The following WDFY2 variants were observed in gnomAD, a reference collection of about 807,000 sequenced individuals.
The protein encoded by WDFY2 is WD repeat and FYVE domain-containing protein 2.
WDFY2 carries 36 observed loss-of-function variants against 56.4 expected under a neutral mutation model. That is an observed-to-expected ratio of 0.64 (90% CI 0.49 to 0.84). WDFY2 has a LOEUF of 0.84. Ranked by LOEUF, WDFY2 falls within the 40% of genes least tolerant of loss-of-function variation. The probability of loss-of-function intolerance (pLI) is 0.00; values close to 1 mark genes in which losing one functional copy is unlikely to be tolerated. For missense variants in WDFY2, 444 were observed against 512.2 expected (o/e 0.87, Z 1.29); for synonymous variants, 176 against 183.7 (o/e 0.96, Z 0.34).
At chr13:51,706,755 G>A (rs574236399) in intron 4 of WDFY2, among the ~76,000 whole-genome samples, 11 of 152,288 alleles carry the variant, frequency 7.2e-5, no homozygotes, top group African/African-American at 2.4e-4. Context: ...TCAGTTAGAC[G>A]AATTTCACAA....
At chr13:51,615,466 G>A (rs1207194587) in intron 1 of WDFY2, among the ~76,000 whole-genome samples, 1 of 152,116 alleles carries the variant, frequency 6.6e-6, no homozygotes, top group Non-Finnish European at 1.5e-5. Context: ...TGATAGTACT[G>A]TTGATACCAT....
At chr13:51,616,021 A>G (rs1954604508) in intron 1 of WDFY2, among the ~76,000 whole-genome samples, 1 of 152,176 alleles carries the variant, frequency 6.6e-6, no homozygotes, top group Non-Finnish European at 1.5e-5. Flanking sequence ...AGGCAGGAGG[A>G]TCACTTGAGC....
chr13:51,586,868 G>A (rs1953949660), intron 1 of WDFY2: 1 of 151,994 alleles, frequency 6.6e-6, no homozygotes, highest in Non-Finnish European at 1.5e-5. Context: ...ACAAGTCTGT[G>A]CTTCTTTGGG....
intron 7 of WDFY2, among the ~76,000 whole-genome samples, chr13:51,748,164 C>A (rs1181020717): frequency 2.0e-5 from 3 of 152,190 alleles, no homozygotes; most frequent in Non-Finnish European, 4.4e-5. Context: ...CGCCCCCTCC[C>A]CCGACTGCCA....
intron 10 of WDFY2, among the ~76,000 whole-genome samples, chr13:51,757,962 G>A (rs1049128141): frequency 3.3e-5 from 5 of 151,868 alleles, no homozygotes; most frequent in Non-Finnish European, 7.4e-5. Flanking sequence ...TTCTCCAGAA[G>A]GACTTTTAGA....
At chr13:51,739,694 G>C (rs1952923147) in intron 7 of WDFY2, among the ~76,000 whole-genome samples, 1 of 152,194 alleles carries the variant, frequency 6.6e-6, no homozygotes, top group African/African-American at 2.4e-5. Context: ...GGGGCTGAGA[G>C]GAAGTACAGA....
At chr13:51,692,350 T>G (rs557651316) in intron 3 of WDFY2, among the ~76,000 whole-genome samples, 1 of 152,362 alleles carries the variant, frequency 6.6e-6, no homozygotes, top group East Asian at 1.9e-4. Flanking sequence ...TAGCTCTTAT[T>G]ATTTTGAAAT....
At chr13:51,618,891 G>C (rs913710597) in intron 1 of WDFY2, among the ~76,000 whole-genome samples, 1 of 152,224 alleles carries the variant, frequency 6.6e-6, no homozygotes, top group Non-Finnish European at 1.5e-5. Flanking sequence ...GTTGAAGAGA[G>C]AATGGGCAGT....
chr13:51,609,622 C>A, intron 1 of WDFY2, among the ~76,000 whole-genome samples: 1 of 137,038 alleles, frequency 7.3e-6, no homozygotes, highest in Non-Finnish European at 1.5e-5. Context: ...CCCGCCCTCC[C>A]CAAAAAACCA....
rs1433875312 is a variant in WDFY2 at position 51,758,292 on chromosome 13, G to T, written c.1165G>T (p.Val389Phe). ...GWLLTSGTDKVIKLWDMTPVV... is the reference protein window; with the variant it reads ...GWLLTSGTDKFIKLWDMTPVV... ...GTTACTGACTTCTGGAACTGACAAG[G>T]TTATTAAGGTAAGATGCCATCTTAT... The change falls in exon 11 of 12, where the codon GTT (valine) becomes TTT (phenylalanine). Residue 389 changes from valine to phenylalanine, a missense_variant. Val to Phe is a conservative substitution (Grantham distance 50, BLOSUM62 -1). Transcript: ENST00000298125. 1.3e-6 allele frequency: 2 copies of T among 1,587,004 alleles called. No individual in the cohort carries two copies. Among genetic ancestry groups the T allele is most frequent in the African/African-American group, 1.3e-5 (1 of 74,694 alleles).
rs9596560 is a variant in WDFY2 at position 51,669,378 on chromosome 13, G to T, written c.206-5792G>T. Among the ~76,000 whole-genome samples the T allele has an allele frequency of 7.5e-3, 1,148 of 152,134 alleles. 10 individuals are homozygous for T. The highest frequency in any genetic ancestry group is 0.027 in the African/African-American group (1,106 of 41,504). ...TATCCAGAATTCAAGGAAATAAAGG[G>T]TCTAATTTTAAAGGTGAGACTCTGA... On this transcript the variant is annotated intron_variant, in intron 2 of 11. Coordinates refer to ENST00000298125, the MANE Select transcript of WDFY2 (RefSeq NM_052950.4).
intron 1 of WDFY2, among the ~76,000 whole-genome samples, chr13:51,620,299 A>G (rs953099604): frequency 6.6e-5 from 10 of 152,152 alleles, no homozygotes; most frequent in Non-Finnish European, 4.4e-5. Context: ...TGGCTCTGCC[A>G]TGGAACAGCT....
chr13:51,720,942 T>C (rs936889200), intron 5 of WDFY2, among the ~76,000 whole-genome samples: 2 of 147,846 alleles, frequency 1.4e-5, no homozygotes, highest in Admixed American at 6.7e-5. Context: ...TCATTCTGTC[T>C]TCTCTCTCTC....
rs143751870 is a variant in WDFY2 at position 51,590,053 on chromosome 13, T to C, written c.137+5229T>C. On this transcript the variant is annotated intron_variant, in intron 1 of 11. Coordinates refer to ENST00000298125, the MANE Select transcript of WDFY2 (RefSeq NM_052950.4). ...GGAGGCTTACTAGAGGAGGATTAGC[T>C]TCAAGTGATCCCAGAGCTCCTGACA... is the stretch of plus-strand genomic sequence containing the variant. The C allele has an allele frequency of 4.6e-5, 7 of 152,294 alleles. No individual in the cohort carries two copies. The East Asian group carries it at 1.3e-3, about 29-fold the overall frequency. The allele number at this position is 152,294 out of a possible 1,614,324, so 9.4% of individuals were successfully genotyped here.
At chr13:51,759,657 A>T (rs1252244736) in intron 11 of WDFY2, 83 bp from the exon 12 acceptor site, 2 of 1,385,526 alleles carry the variant, frequency 1.4e-6, no homozygotes, top group Non-Finnish European at 1.0e-6. Context: ...AATGAAAAAA[A>T]TTTCCTTGAA....
intron 1 of WDFY2, chr13:51,590,132 CA>C (rs1297302545): frequency 6.6e-6 from 1 of 152,180 alleles, no homozygotes; most frequent in Non-Finnish European, 1.5e-5. Context: ...CAGGACCTCA[CA>C]GATCTTAATC....
chr13:51,636,477 C>T (rs1427068572), intron 1 of WDFY2, among the ~76,000 whole-genome samples: 9 of 152,074 alleles, frequency 5.9e-5, no homozygotes, highest in Non-Finnish European at 1.3e-4. Flanking sequence ...CCTTGGGCTT[C>T]GTGATAAGAA....
At chr13:51,653,355 C>T (rs376012616) in intron 1 of WDFY2, among the ~76,000 whole-genome samples, 2 of 152,202 alleles carry the variant, frequency 1.3e-5, no homozygotes, top group Admixed American at 6.5e-5. Flanking sequence ...TTCGAACTTC[C>T]TCCTTTAGCT....
chr13:51,654,069 GC>G (rs1397304029), intron 1 of WDFY2, among the ~76,000 whole-genome samples: 1 of 152,192 alleles, frequency 6.6e-6, no homozygotes, highest in Non-Finnish European at 1.5e-5. Flanking sequence ...GAGCTTCCTG[GC>G]CACTTTGTTT....
Sources: gnomAD v4.1 joint callset for allele counts (sites outside exome capture counted in the v4.1 genomes callset) on GRCh38, gnomAD v4.1.1 for gene constraint, MANE v1.5 for transcripts, NCBI Gene and HGNC (gene_info 2026-07-23, HGNC 2026-07-21) for gene names.